STAG1: variants seen among roughly 807,000 people sequenced by gnomAD.
STAG1 encodes the protein STAG1 cohesin complex component.
In STAG1, 26 loss-of-function variants were observed where a neutral mutation model predicts 170.9. The ratio of observed to expected loss-of-function variants is 0.15; its 90% CI spans 0.11 to 0.21. The LOEUF (loss-of-function observed/expected upper bound fraction) is 0.21, where lower values mean the gene tolerates loss of function less well. STAG1 is among the 10% of genes least tolerant of loss of function. The probability of loss-of-function intolerance (pLI) is 1.00; values close to 1 mark genes in which losing one functional copy is unlikely to be tolerated. For missense variants in STAG1, 964 were observed against 1,509.5 expected (o/e 0.64, Z 5.99); for synonymous variants, 514 against 497.7 (o/e 1.03, Z -0.44).
intron 9 of STAG1, among the ~76,000 whole-genome samples, chr3:136,491,942 A>C (rs1413692678): frequency 2.6e-5 from 4 of 152,202 alleles, no homozygotes; most frequent in Non-Finnish European, 4.4e-5. Flanking sequence ...GAATCAGCCC[A>C]AGATCACGCT....
intron 14 of STAG1, among the ~76,000 whole-genome samples, chr3:136,446,095 A>G (rs938490757): frequency 6.6e-6 from 1 of 152,086 alleles, no homozygotes; most frequent in African/African-American, 2.4e-5. Flanking sequence ...TTTATTTTCT[A>G]GCATTTATCC....
intron 1 of STAG1, chr3:136,736,589 G>A (rs1029576522): frequency 6.4e-7 from 1 of 1,552,282 alleles, no homozygotes; most frequent in African/African-American, 1.4e-5. Context: ...AGTTTCGCCA[G>A]CTGTCCACAC....
intron 5 of STAG1, among the ~76,000 whole-genome samples, chr3:136,547,107 C>A (rs915112372): frequency 6.6e-6 from 1 of 152,170 alleles, no homozygotes; most frequent in Non-Finnish European, 1.5e-5. Flanking sequence ...TTTTTCTTAA[C>A]TGAATTCCTA....
intron 14 of STAG1, among the ~76,000 whole-genome samples, chr3:136,451,465 TA>T (rs536751564): frequency 6.6e-6 from 1 of 151,442 alleles, no homozygotes; most frequent in East Asian, 1.9e-4. Context: ...AAGGCAACAA[TA>T]AAAAAAAGGT....
chr3:136,422,153 CAAAAAA>C (rs11312063), intron 19 of STAG1, among the ~76,000 whole-genome samples: 1 of 96,520 alleles, frequency 1.0e-5, no homozygotes. Context: ...GACTCTGCCT[CAAAAAA>C]AAAAAAAAAA....
intron 6 of STAG1, among the ~76,000 whole-genome samples, chr3:136,525,407 C>T (rs181740835): frequency 0.011 from 1,701 of 152,052 alleles, 34 homozygotes; most frequent in African/African-American, 0.037. Context: ...TTTTCTCTGA[C>T]GGTAGTTTGT....
chr3:136,377,319 G>A (rs1275989196), intron 23 of STAG1, among the ~76,000 whole-genome samples: 7 of 137,256 alleles, frequency 5.1e-5, no homozygotes, highest in African/African-American at 1.6e-4. Context: ...CCCGGGAGGC[G>A]GAGCTTGCAG....
intron 2 of STAG1, among the ~76,000 whole-genome samples, chr3:136,630,320 C>T (rs1419983004): frequency 1.3e-5 from 2 of 151,416 alleles, no homozygotes; most frequent in Admixed American, 6.6e-5. Flanking sequence ...AGCCGGAACA[C>T]CTCAACAATC....
At chr3:136,499,103 C>T (rs938827883) in intron 9 of STAG1, among the ~76,000 whole-genome samples, 31 of 152,126 alleles carry the variant, frequency 2.0e-4, no homozygotes, top group Admixed American at 1.3e-4. Flanking sequence ...ATTTTCAATC[C>T]GTGTTTAGTT....
intron 1 of STAG1, among the ~76,000 whole-genome samples, chr3:136,744,359 G>C (rs1339926553): frequency 6.6e-6 from 1 of 152,082 alleles, no homozygotes; most frequent in Non-Finnish European, 1.5e-5. Flanking sequence ...TCATTCATCA[G>C]GAATATAAAG....
chr3:136,622,172 T>C (rs1340843267), intron 3 of STAG1, among the ~76,000 whole-genome samples: 1 of 146,324 alleles, frequency 6.8e-6, no homozygotes, highest in Non-Finnish European at 1.5e-5. Context: ...AAGAAAAAAT[T>C]AGCTGGGCAT....
Position 136,435,555 on chromosome 3 carries a change from A to T in STAG1, c.1547-1896T>A, listed in dbSNP as rs563708890. ...CACTGGAATTATGACTAGTACCATT[A>T]AAAAAAATGACATTTTCAGCTAGAA... On this transcript the variant is annotated intron_variant, in intron 15 of 33. Transcript: ENST00000383202. Among the ~76,000 whole-genome samples the T allele has an allele frequency of 1.2e-4, 18 of 152,112 alleles. No homozygotes were observed. The East Asian group carries it at 2.1e-3, about 18-fold the overall frequency.
intron 5 of STAG1, among the ~76,000 whole-genome samples, chr3:136,551,216 A>AGAGT (rs1936375769): frequency 1.2e-5 from 1 of 81,786 alleles, no homozygotes; most frequent in Non-Finnish European, 2.6e-5. Flanking sequence ...AGTGAGAGAG[A>AGAGT]GAGAGAGAGA....
chr3:136,567,321 C>G (rs993890184), intron 5 of STAG1, among the ~76,000 whole-genome samples: 1 of 152,226 alleles, frequency 6.6e-6, no homozygotes, highest in Non-Finnish European at 1.5e-5. Flanking sequence ...CTCTTACTTT[C>G]AAATAGTCTA....
intron 3 of STAG1, among the ~76,000 whole-genome samples, chr3:136,616,775 G>C (rs1939617961): frequency 6.6e-6 from 1 of 152,048 alleles, no homozygotes; most frequent in African/African-American, 2.4e-5. Context: ...ATGCATGACT[G>C]TAGTCCCACT....
chr3:136,522,800 T>C (rs902903369), intron 6 of STAG1, among the ~76,000 whole-genome samples: 34 of 146,424 alleles, frequency 2.3e-4, no homozygotes, highest in African/African-American at 5.3e-4. Flanking sequence ...CTCCCACCTA[T>C]GAGTGAGAAC....
chr3:136,619,882 A>AT lies in STAG1; in HGVS notation c.132+3263dup, dbSNP rs566924607. 1.7e-3 allele frequency among the ~76,000 whole-genome samples: 257 copies of AT among 151,966 alleles called. No individual in the cohort carries two copies. In the South Asian group the frequency reaches 0.026, roughly 15 times the overall value. Reference sequence around the variant, plus strand: ...GGAGTTTAAGACCAGCCTGGACAACATAGTGAGACCCGGTCTTCACACAAA... The same window carrying AT: ...GGAGTTTAAGACCAGCCTGGACAACATTAGTGAGACCCGGTCTTCACACAAA... On this transcript the variant is annotated intron_variant, in intron 3 of 33. Coordinates refer to ENST00000383202, the MANE Select transcript of STAG1 (RefSeq NM_005862.3).
chr3:136,361,555 T>G (rs761345745), intron 26 of STAG1, among the ~76,000 whole-genome samples: 167 of 152,192 alleles, frequency 1.1e-3, no homozygotes, highest in Non-Finnish European at 1.7e-3. Flanking sequence ...TCAATCATTT[T>G]CATTCATGCC....
intron 4 of STAG1, among the ~76,000 whole-genome samples, chr3:136,589,297 G>A (rs536604098): frequency 3.3e-5 from 5 of 151,210 alleles, no homozygotes; most frequent in East Asian, 2.0e-4. Context: ...TCAGGAGTTC[G>A]AGACCAGCCT....
Sources: allele counts gnomAD v4.1 joint callset (sites outside exome capture counted in the v4.1 genomes callset), GRCh38; gene constraint gnomAD v4.1.1; transcripts MANE v1.5; gene names NCBI Gene and HGNC (gene_info 2026-07-23, HGNC 2026-07-21).